The following TJP1 variants were observed in gnomAD, a reference collection of about 807,000 sequenced individuals.
TJP1 encodes the protein tight junction protein 1, also known as tight junction protein ZO-1.
TJP1 carries 43 observed loss-of-function variants against 194.2 expected under a neutral mutation model. The ratio of observed to expected loss-of-function variants is 0.22; its 90% CI spans 0.17 to 0.29. The LOEUF is 0.29. Among genes scored for constraint, TJP1 ranks in the 10% least tolerant of loss-of-function variants. The pLI, the probability that TJP1 is intolerant of heterozygous loss-of-function variation, is 1.00. For synonymous variants in TJP1, 801 were observed against 779.0 expected (o/e 1.03, Z -0.47); for missense variants, 1,971 against 2,185.7 (o/e 0.90, Z 1.96).
chr15:29,826,511 C>T (rs1237990982), upstream of TJP1, among the ~76,000 whole-genome samples: 1 of 152,212 alleles, frequency 6.6e-6, no homozygotes, highest in Non-Finnish European at 1.5e-5. Context: ...AGAAAACAGA[C>T]ATTAAGGAAT....
At chr15:29,818,067 C>T (rs1006240067) in intron 1 of TJP1, among the ~76,000 whole-genome samples, 2 of 151,522 alleles carry the variant, frequency 1.3e-5, no homozygotes, top group Non-Finnish European at 2.9e-5. Context: ...TCCTGGGTAT[C>T]ATGTAAATCA....
At chr15:29,780,990 A>G (rs1252074535) in intron 2 of TJP1, among the ~76,000 whole-genome samples, 2 of 152,174 alleles carry the variant, frequency 1.3e-5, no homozygotes, top group African/African-American at 4.8e-5. Flanking sequence ...AAAAATAACA[A>G]AAAGAGCTGA....
intron 25 of TJP1, among the ~76,000 whole-genome samples, chr15:29,706,820 C>T (rs2041928330): frequency 6.6e-6 from 1 of 151,984 alleles, no homozygotes; most frequent in African/African-American, 2.4e-5. Context: ...CCACCATGCC[C>T]GGCTAATTTT....
intron 16 of TJP1, 42 bp downstream of exon 16, chr15:29,727,895 C>T (rs377340891): frequency 2.9e-4 from 448 of 1,566,984 alleles, no homozygotes; most frequent in Non-Finnish European, 3.5e-4. Flanking sequence ...CCACTCAAAA[C>T]CACAATAACA....
chr15:29,881,089 A>G (rs922682346), intron 2 of TJP1, among the ~76,000 whole-genome samples: 3 of 152,162 alleles, frequency 2.0e-5, no homozygotes, highest in African/African-American at 7.2e-5. Flanking sequence ...TCTCCTCCAC[A>G]TGATCTCCAA....
intron 25 of TJP1, among the ~76,000 whole-genome samples, chr15:29,706,690 T>A (rs1335351541): frequency 6.6e-6 from 1 of 152,156 alleles, no homozygotes; most frequent in Non-Finnish European, 1.5e-5. Flanking sequence ...AAATGGAGTG[T>A]CTTGCTGTCA....
chr15:29,803,665 TG>T (rs2151904520), intron 1 of TJP1, among the ~76,000 whole-genome samples: 1 of 152,278 alleles, frequency 6.6e-6, no homozygotes, highest in East Asian at 1.9e-4. Flanking sequence ...TTATAAAAAA[TG>T]TTTATTCTCC....
intron 2 of TJP1, among the ~76,000 whole-genome samples, chr15:29,937,647 C>T (rs1045673220): frequency 6.6e-6 from 1 of 152,136 alleles, no homozygotes; most frequent in African/African-American, 2.4e-5. Context: ...CACGGACCCA[C>T]TCAAAGATAT....
At chr15:29,806,892 T>C (rs370822003) in intron 1 of TJP1, among the ~76,000 whole-genome samples, 174 of 152,148 alleles carry the variant, frequency 1.1e-3, no homozygotes, top group African/African-American at 4.0e-3. Context: ...CAGGAGGTAG[T>C]AAAAAAGATC....
intron 2 of TJP1, among the ~76,000 whole-genome samples, chr15:29,796,333 G>A (rs1226505504): frequency 1.4e-5 from 2 of 147,224 alleles, no homozygotes; most frequent in Non-Finnish European, 3.0e-5. Flanking sequence ...AGACTGCAAG[G>A]TTGCTATAAA....
chr15:29,766,828 G>T (rs551426322), intron 4 of TJP1, among the ~76,000 whole-genome samples: 1 of 152,268 alleles, frequency 6.6e-6, no homozygotes, highest in South Asian at 2.1e-4. Flanking sequence ...ATAATCACAA[G>T]CTTACAGGGA....
intron 2 of TJP1, among the ~76,000 whole-genome samples, chr15:29,951,674 T>C (rs2055757927): frequency 6.6e-6 from 1 of 152,250 alleles, no homozygotes; most frequent in Non-Finnish European, 1.5e-5. Context: ...TTGAAACATG[T>C]ATCCCTTTTG....
At chr15:29,790,058 C>T (rs1342797970) in intron 2 of TJP1, among the ~76,000 whole-genome samples, 1 of 152,216 alleles carries the variant, frequency 6.6e-6, no homozygotes, top group African/African-American at 2.4e-5. Context: ...GCAGTCAGCA[C>T]ACTATGGCCC....
chr15:29,772,721 T>C (rs533265742), intron 3 of TJP1, among the ~76,000 whole-genome samples: 19 of 152,176 alleles, frequency 1.2e-4, no homozygotes, highest in Non-Finnish European at 2.2e-4. Context: ...CACATTCTAT[T>C]TAAAGTGAGT....
intron 2 of TJP1, among the ~76,000 whole-genome samples, chr15:29,908,341 A>C (rs2053896756): frequency 6.6e-6 from 1 of 152,194 alleles, no homozygotes; most frequent in Non-Finnish European, 1.5e-5. Flanking sequence ...TCAGAATAGC[A>C]CTGGATTTAG....
intron 2 of TJP1, among the ~76,000 whole-genome samples, chr15:29,829,440 A>G (rs2050770007): frequency 6.6e-6 from 1 of 152,162 alleles, no homozygotes; most frequent in Non-Finnish European, 1.5e-5. Context: ...AGTCACATAG[A>G]GGGTCCACGT....
intron 8 of TJP1, among the ~76,000 whole-genome samples, chr15:29,760,709 G>A (rs1188825841): frequency 6.6e-6 from 1 of 152,106 alleles, no homozygotes; most frequent in Non-Finnish European, 1.5e-5. Flanking sequence ...AGAAAACAAA[G>A]TCCAGGTTAA....
exon 2 of TJP1, chr15:29,956,352 G>T: frequency 7.8e-7 from 1 of 1,288,640 alleles, no homozygotes; most frequent in Non-Finnish European, 1.0e-6. Flanking sequence ...GATTTTCAGA[G>T]GATGGCGTTA....
chr15:29,809,916 T>C (rs1222097483), intron 1 of TJP1, among the ~76,000 whole-genome samples: 2 of 152,286 alleles, frequency 1.3e-5, no homozygotes, highest in East Asian at 3.9e-4. Context: ...AATGATAATG[T>C]AGTTATAGTA....
Sources: allele counts gnomAD v4.1 joint callset (sites outside exome capture counted in the v4.1 genomes callset), GRCh38; gene constraint gnomAD v4.1.1; transcripts MANE v1.5; gene names NCBI Gene and HGNC (gene_info 2026-07-23, HGNC 2026-07-21).